Variants in AHI1 observed in about 807,000 individuals in gnomAD.
AHI1 encodes Abelson helper integration site 1.
AHI1 carries 123 observed loss-of-function variants against 149.3 expected under a neutral mutation model. The ratio of observed to expected loss-of-function variants is 0.82; its 90% CI spans 0.71 to 0.96. The LOEUF is 0.96. Among genes scored for constraint, AHI1 ranks in the 40% least tolerant of loss-of-function variants. The pLI, the probability that AHI1 is intolerant of heterozygous loss-of-function variation, is 0.00. For missense variants in AHI1, 1,439 were observed against 1,422.7 expected, an observed-to-expected ratio of 1.01 and a Z score of -0.18; for synonymous variants, 475 against 459.8, an observed-to-expected ratio of 1.03 and a Z score of -0.42.
intron 23 of AHI1, chr6:135,394,549 T>G: frequency 2.0e-6 from 1 of 506,764 alleles, no homozygotes. Flanking sequence ...TTTTAAATTA[T>G]TATCTGTTAA....
chr6:135,435,602 G>A (rs929550265), intron 15 of AHI1, among the ~76,000 whole-genome samples: 2 of 152,174 alleles, frequency 1.3e-5, no homozygotes, highest in African/African-American at 4.8e-5. Context: ...AGAATGTTGG[G>A]TCAATGAGGA....
intron 3 of AHI1, chr6:135,492,520 T>C (rs1795385735): frequency 8.8e-7 from 1 of 1,137,596 alleles, no homozygotes. Flanking sequence ...ATAAAGTATT[T>C]ATATATTTGA....
chr6:135,311,976 T>C (rs1785268676), intron 26 of AHI1, among the ~76,000 whole-genome samples: 1 of 152,212 alleles, frequency 6.6e-6, no homozygotes, highest in Non-Finnish European at 1.5e-5. Flanking sequence ...CCAGATGAAA[T>C]GCTGGAAGGT....
At chr6:135,398,373 C>T (rs1377371596) in intron 22 of AHI1, among the ~76,000 whole-genome samples, 2 of 152,076 alleles carry the variant, frequency 1.3e-5, no homozygotes, top group Non-Finnish European at 2.9e-5. Context: ...AACACTGTAA[C>T]TGTTAAAGAA....
In AHI1 at chr6:135,413,398, C is replaced by T. The variant is rs572420125; in HGVS notation, c.2765-1854G>A. ...AAGGAAATGATGTAATAGGGTTCTT[C>T]CATTTCTGACCAAAATGGAGTAGGG... On this transcript the variant is annotated intron_variant, in intron 20 of 28. Transcript: ENST00000265602. 7.0e-4 allele frequency among the ~76,000 whole-genome samples: 106 copies of T among 152,010 alleles called. 1 individual carries two copies. Among genetic ancestry groups the T allele is most frequent in the African/African-American group, 2.4e-3 (99 of 41,430 alleles).
In AHI1 at chr6:135,300,593, A is replaced by G. The variant is rs376571530; in HGVS notation, c.3427-35T>C. On this transcript the variant is annotated intron_variant, in intron 26 of 28. Transcript: ENST00000265602. ...AAGAGGAAAAACAAGTAGTAAGTAA[A>G]AAATGAGAAAAGACAACACAGTCAA... 6.5e-5 allele frequency: 102 copies of G among 1,577,072 alleles called. No individual in the cohort carries two copies. The African/African-American group carries it at 1.2e-3, about 19-fold the overall frequency.
chr6:135,400,074 A>C (rs1357507614), intron 22 of AHI1, among the ~76,000 whole-genome samples: 1 of 151,966 alleles, frequency 6.6e-6, no homozygotes, highest in Non-Finnish European at 1.5e-5. Context: ...AGTAGACCTC[A>C]GTGTCTGTTG....
At chr6:135,420,391 C>T (rs1782980087) in intron 20 of AHI1, among the ~76,000 whole-genome samples, 1 of 152,082 alleles carries the variant, frequency 6.6e-6, no homozygotes, top group Non-Finnish European at 1.5e-5. Context: ...ATGTCTTCTC[C>T]TCTTTAGCTA....
intron 22 of AHI1, among the ~76,000 whole-genome samples, chr6:135,403,098 C>T (rs2757641): frequency 0.98 from 149,314 of 152,282 alleles, 73,218 homozygotes; most frequent in East Asian, 1. Flanking sequence ...ATCTATAAAG[C>T]ATATTAATGG....
At chr6:135,412,595 C>T (rs2127977556) in intron 20 of AHI1, among the ~76,000 whole-genome samples, 1 of 152,268 alleles carries the variant, frequency 6.6e-6, no homozygotes, top group East Asian at 1.9e-4. Flanking sequence ...ATCTGTGCTG[C>T]ACTTTGTATT....
intron 24 of AHI1, among the ~76,000 whole-genome samples, chr6:135,336,068 G>A (rs13212265): frequency 2.2e-5 from 3 of 138,506 alleles, no homozygotes; most frequent in Admixed American, 7.9e-5. Flanking sequence ...AGCCAAGATC[G>A]CACCACTGCA....
chr6:135,411,159 T>A (rs1781530260), intron 21 of AHI1, among the ~76,000 whole-genome samples, 189 bp downstream of exon 21: 1 of 152,216 alleles, frequency 6.6e-6, no homozygotes, highest in African/African-American at 2.4e-5. Context: ...GCATGATAGA[T>A]TATCCTAAAT....
intron 5 of AHI1, among the ~76,000 whole-genome samples, chr6:135,484,764 A>G (rs902277177): frequency 6.6e-6 from 1 of 152,098 alleles, no homozygotes; most frequent in Non-Finnish European, 1.5e-5. Context: ...GACCAAAAAA[A>G]AAAAAACTTA....
chr6:135,332,581 T>C (rs1464425662), intron 24 of AHI1, among the ~76,000 whole-genome samples: 1 of 152,206 alleles, frequency 6.6e-6, no homozygotes, highest in Non-Finnish European at 1.5e-5. Context: ...GCTGAAGTTC[T>C]ATGTCATCAA....
intron 27 of AHI1, 58 bp downstream of exon 27, chr6:135,300,442 C>T: frequency 6.9e-7 from 1 of 1,444,894 alleles, no homozygotes; most frequent in South Asian, 1.5e-5. Context: ...GAGAAATTAT[C>T]CTTAAAAGAA....
intron 28 of AHI1, 44 bp from the exon 29 acceptor site, chr6:135,285,691 A>G: frequency 6.5e-7 from 1 of 1,535,266 alleles, no homozygotes; most frequent in South Asian, 1.2e-5. Context: ...AACTTGAATA[A>G]TGTCTTCTGA....
chr6:135,471,957 A>G (rs890184968), intron 5 of AHI1, among the ~76,000 whole-genome samples: 2 of 129,160 alleles, frequency 1.5e-5, no homozygotes, highest in African/African-American at 5.7e-5. Flanking sequence ...GCTTGCAGTG[A>G]GCCGAGATTG....
intron 23 of AHI1, among the ~76,000 whole-genome samples, chr6:135,373,776 A>G (rs150424134): frequency 1.3e-5 from 2 of 152,184 alleles, no homozygotes; most frequent in Middle Eastern, 3.2e-3. Flanking sequence ...AAGACAGAAC[A>G]TATGTCCAGC....
In AHI1 at chr6:135,300,352, C is replaced by T. The variant is rs966030681; in HGVS notation, c.3485+148G>A. On this transcript the variant is annotated intron_variant, in intron 27 of 28. Coordinates refer to ENST00000265602, the MANE Select transcript of AHI1 (RefSeq NM_001134831.2). ...AAAAAAAAAAAAAAGAAAAAAAAAT[C>T]GTAAACAAGCTAAACTCCTTTAAAA... 11 of 853,594 alleles carry T rather than the reference C, an allele frequency of 1.3e-5. No homozygotes were observed. In the African/African-American group the frequency reaches 1.8e-4, roughly 14 times the overall value. 52.9% of individuals were successfully genotyped at this position (853,594 alleles called of 1,614,324 possible). A position where few individuals can be genotyped will look rare whatever the true frequency, so the allele number is the denominator to read the frequency against.
Sources: allele counts gnomAD v4.1 joint callset (sites outside exome capture counted in the v4.1 genomes callset), GRCh38; gene constraint gnomAD v4.1.1; transcripts MANE v1.5; gene names NCBI Gene and HGNC (gene_info 2026-07-23, HGNC 2026-07-21).